The following ASTN2 variants were observed in gnomAD, a reference collection of about 807,000 sequenced individuals.
ASTN2 encodes astrotactin 2, also known as astrotactin-2.
ASTN2 carries 54 observed loss-of-function variants against 139.8 expected under a neutral mutation model. That is an observed-to-expected ratio of 0.39 (90% CI 0.31 to 0.48). The LOEUF is 0.48. Ranked by LOEUF, ASTN2 falls within the 20% of genes least tolerant of loss-of-function variation. The probability of loss-of-function intolerance (pLI) is 0.95; values close to 1 mark genes in which losing one functional copy is unlikely to be tolerated. For synonymous variants in ASTN2, 756 were observed against 719.5 expected (o/e 1.05, Z -0.81); for missense variants, 1,565 against 1,725.1 (o/e 0.91, Z 1.64).
chr9:116,952,645 G>A (rs541625892), intron 10 of ASTN2, among the ~76,000 whole-genome samples: 1 of 152,180 alleles, frequency 6.6e-6, no homozygotes, highest in African/African-American at 2.4e-5. Context: ...AAATGAATAA[G>A]TTGTGGTCAG....
chr9:116,818,910 G>T (rs1212840002), intron 12 of ASTN2, among the ~76,000 whole-genome samples: 1 of 152,100 alleles, frequency 6.6e-6, no homozygotes, highest in Non-Finnish European at 1.5e-5. Flanking sequence ...ATATGACCTT[G>T]GGCATGTTTC....
At chr9:116,968,765 G>A (rs540565035) in intron 10 of ASTN2, among the ~76,000 whole-genome samples, 2 of 152,016 alleles carry the variant, frequency 1.3e-5, no homozygotes, top group African/African-American at 4.8e-5. Flanking sequence ...CAGGTGTGGT[G>A]TTGTGTGCCT....
intron 11 of ASTN2, among the ~76,000 whole-genome samples, chr9:116,854,545 G>A (rs1303726968): frequency 6.6e-6 from 1 of 152,104 alleles, no homozygotes. Flanking sequence ...ATGGTAGTGG[G>A]AGATGGTAGT....
chr9:116,556,838 G>C lies in ASTN2; in HGVS notation c.3355+61486C>G, dbSNP rs190727139. ...AACACCTAGAAAGCTGAAGTCATTA[G>C]TATATATGTACGCACACACATATAT... On this transcript the variant is annotated intron_variant, in intron 19 of 22. Transcript: ENST00000313400. 3.9e-5 allele frequency among the ~76,000 whole-genome samples: 6 copies of C among 152,180 alleles called. No individual in the cohort carries two copies. The East Asian group carries it at 1.2e-3, about 29-fold the overall frequency.
intron 10 of ASTN2, among the ~76,000 whole-genome samples, chr9:116,899,841 A>C (rs981656616): frequency 1.3e-5 from 2 of 152,146 alleles, no homozygotes; most frequent in African/African-American, 4.8e-5. Context: ...ACTGTTGTAA[A>C]ACCTAAGATT....
chr9:116,740,493 T>G (rs1216632103), intron 13 of ASTN2, among the ~76,000 whole-genome samples: 1 of 152,056 alleles, frequency 6.6e-6, no homozygotes, highest in Non-Finnish European at 1.5e-5. Context: ...AGAGGAGGAT[T>G]TATGTAAAGT....
At chr9:117,054,198 A>T (rs1838993286) in intron 5 of ASTN2, among the ~76,000 whole-genome samples, 1 of 152,192 alleles carries the variant, frequency 6.6e-6, no homozygotes, top group Non-Finnish European at 1.5e-5. Context: ...GTCTTAGCCC[A>T]AGGGCCATTC....
chr9:116,437,204 A>T (rs76732669), intron 22 of ASTN2: 8 of 394,264 alleles, frequency 2.0e-5, no homozygotes, highest in African/African-American at 4.3e-5. Context: ...TAATAATAAT[A>T]ATAAAAAATA....
intron 2 of ASTN2, among the ~76,000 whole-genome samples, chr9:117,284,459 G>A (rs1307357073): frequency 6.6e-6 from 1 of 152,160 alleles, no homozygotes; most frequent in Non-Finnish European, 1.5e-5. Context: ...ACATCACATG[G>A]GCAGAATGCC....
At chr9:117,344,987 T>A (rs1457717237) in intron 1 of ASTN2, among the ~76,000 whole-genome samples, 1 of 152,126 alleles carries the variant, frequency 6.6e-6, no homozygotes, top group Non-Finnish European at 1.5e-5. Flanking sequence ...AACGTTTTTC[T>A]CCCTGGGGCA....
At chr9:117,394,519 C>T (rs1158042764) in intron 1 of ASTN2, among the ~76,000 whole-genome samples, 2 of 151,786 alleles carry the variant, frequency 1.3e-5, no homozygotes, top group African/African-American at 4.8e-5. Flanking sequence ...AATAAAGTGT[C>T]CTGAATAAAG....
At chr9:117,080,204 A>G (rs1027920954) in intron 5 of ASTN2, among the ~76,000 whole-genome samples, 1 of 152,206 alleles carries the variant, frequency 6.6e-6, no homozygotes, top group Non-Finnish European at 1.5e-5. Context: ...TCACCTACAT[A>G]TTTCTTTTTT....
At chr9:117,142,849 T>C (rs905488277) in intron 3 of ASTN2, among the ~76,000 whole-genome samples, 4 of 152,188 alleles carry the variant, frequency 2.6e-5, no homozygotes, top group African/African-American at 9.6e-5. Flanking sequence ...ATCTTCAAAC[T>C]CATCCCTCCC....
At chr9:117,101,945 T>C (rs918059359) in intron 4 of ASTN2, among the ~76,000 whole-genome samples, 2 of 152,192 alleles carry the variant, frequency 1.3e-5, no homozygotes, top group Non-Finnish European at 2.9e-5. Flanking sequence ...TGCAAAATGG[T>C]GCAGCCATTG....
chr9:116,805,844 A>AATTAGCTTCAC, intron 12 of ASTN2, 24 bp from the exon 13 acceptor site: 1 of 1,606,830 alleles, frequency 6.2e-7, no homozygotes. Context: ...CAGAGCTCAG[A>AATTAGCTTCAC]ATTAGCTTCA....
intron 13 of ASTN2, among the ~76,000 whole-genome samples, chr9:116,757,908 T>C (rs978488926): frequency 6.6e-6 from 1 of 152,104 alleles, no homozygotes; most frequent in Non-Finnish European, 1.5e-5. Flanking sequence ...TTAAATGAGA[T>C]ATAGTACATA....
At chr9:117,399,032 C>T (rs1276137838) in intron 1 of ASTN2, among the ~76,000 whole-genome samples, 1 of 152,162 alleles carries the variant, frequency 6.6e-6, no homozygotes, top group Non-Finnish European at 1.5e-5. Flanking sequence ...GATCTGCCCA[C>T]CTCGGCCTCC....
chr9:117,246,909 C>T (rs1279931039), intron 2 of ASTN2, among the ~76,000 whole-genome samples: 1 of 152,088 alleles, frequency 6.6e-6, no homozygotes, highest in African/African-American at 2.4e-5. Flanking sequence ...ATGGTGGATA[C>T]CAGCCCTGGG....
intron 19 of ASTN2, among the ~76,000 whole-genome samples, chr9:116,492,011 T>C (rs1849530829): frequency 6.6e-6 from 1 of 152,060 alleles, no homozygotes; most frequent in African/African-American, 2.4e-5. Context: ...GCAAACATCA[T>C]ATAAAATACT....
Sources: allele counts gnomAD v4.1 joint callset (sites outside exome capture counted in the v4.1 genomes callset), GRCh38; gene constraint gnomAD v4.1.1; transcripts MANE v1.5; gene names NCBI Gene and HGNC (gene_info 2026-07-23, HGNC 2026-07-21).